The following RBFOX1 variants were observed in gnomAD, a reference collection of about 807,000 sequenced individuals.
RBFOX1 encodes RNA binding fox-1 homolog 1.
A neutral mutation model predicts 57.7 loss-of-function variants in RBFOX1; 8 were observed. The ratio of observed to expected loss-of-function variants is 0.14; its 90% CI spans 0.08 to 0.25. The LOEUF (loss-of-function observed/expected upper bound fraction) is 0.25. Among genes scored for constraint, RBFOX1 ranks in the 10% least tolerant of loss-of-function variants. The pLI is 1.00. For missense variants in RBFOX1, 611 were observed against 548.5 expected, an observed-to-expected ratio of 1.11 and a Z score of -1.14; for synonymous variants, 326 against 222.4, an observed-to-expected ratio of 1.47 and a Z score of -4.15.
intron 4 of RBFOX1, among the ~76,000 whole-genome samples, chr16:7,235,623 T>C (rs1234560366): frequency 6.6e-6 from 1 of 152,226 alleles, no homozygotes; most frequent in Non-Finnish European, 1.5e-5. Flanking sequence ...TATCTTGGGA[T>C]GAATTAGCCT....
intron 1 of RBFOX1, among the ~76,000 whole-genome samples, chr16:5,429,030 C>G (rs1358976358): frequency 6.6e-6 from 1 of 152,136 alleles, no homozygotes; most frequent in Non-Finnish European, 1.5e-5. Flanking sequence ...GAGGTTCCAC[C>G]CGCTACGAAG....
intron 1 of RBFOX1, among the ~76,000 whole-genome samples, chr16:6,315,362 G>GTGGATGGATGGA (rs754638128): frequency 0.18 from 27,571 of 149,988 alleles, 3,080 homozygotes; most frequent in Non-Finnish European, 0.24. Context: ...GAATGGGTGG[G>GTGGATGGATGGA]TGGATGGATG....
intron 4 of RBFOX1, among the ~76,000 whole-genome samples, chr16:7,428,858 C>T (rs767913013): frequency 2.0e-5 from 3 of 151,994 alleles, no homozygotes; most frequent in Non-Finnish European, 4.4e-5. Flanking sequence ...ATAATGATAA[C>T]AGTAGTAGAA....
At chr16:5,268,120 T>C (rs2151115359) in intron 1 of RBFOX1, among the ~76,000 whole-genome samples, 1 of 151,138 alleles carries the variant, frequency 6.6e-6, no homozygotes, top group East Asian at 1.9e-4. Flanking sequence ...TCCATCAGAG[T>C]TGACTCTAAC....
chr16:7,414,113 C>T (rs957794673), intron 4 of RBFOX1, among the ~76,000 whole-genome samples: 1 of 152,174 alleles, frequency 6.6e-6, no homozygotes, highest in African/African-American at 2.4e-5. Context: ...CAGAAAATCC[C>T]AATTCAAGGG....
chr16:6,242,378 T>TA (rs1370227558), intron 1 of RBFOX1, among the ~76,000 whole-genome samples: 4 of 151,902 alleles, frequency 2.6e-5, no homozygotes, highest in African/African-American at 7.3e-5. Flanking sequence ...TTCTTTTTTT[T>TA]AAAAAAAGTC....
chr16:5,879,659 AG>A (rs1214274540), intron 4 of RBFOX1, among the ~76,000 whole-genome samples: 3 of 152,212 alleles, frequency 2.0e-5, no homozygotes, highest in Admixed American at 2.0e-4. Context: ...TACATTAGTC[AG>A]GAGAGGCTAA....
chr16:7,485,043 G>A (rs12444631), intron 4 of RBFOX1, among the ~76,000 whole-genome samples: 25,818 of 142,932 alleles, frequency 0.18, 2,542 homozygotes, highest in East Asian at 0.41. Flanking sequence ...GCAGGGTTAC[G>A]TTCCCCAACA....
intron 1 of RBFOX1, among the ~76,000 whole-genome samples, chr16:6,115,486 A>G (rs2152602358): frequency 6.6e-6 from 1 of 152,318 alleles, no homozygotes; most frequent in South Asian, 2.1e-4. Context: ...ATTTGTGCAT[A>G]TTGGCTGGCC....
At chr16:6,731,125 T>TTCTA (rs964139835) in intron 3 of RBFOX1, among the ~76,000 whole-genome samples, 2 of 152,090 alleles carry the variant, frequency 1.3e-5, no homozygotes, top group African/African-American at 4.8e-5. Context: ...AAAGCCTGAA[T>TTCTA]TAGAAGATGA....
At chr16:6,619,074 G>A (rs2098186194) in intron 2 of RBFOX1, among the ~76,000 whole-genome samples, 1 of 151,996 alleles carries the variant, frequency 6.6e-6, no homozygotes, top group Admixed American at 6.6e-5. Context: ...CGCTGCAGAG[G>A]GTCAAGGTTG....
At chr16:6,937,719 G>C (rs999310444) in intron 3 of RBFOX1, among the ~76,000 whole-genome samples, 7 of 152,264 alleles carry the variant, frequency 4.6e-5, no homozygotes, top group African/African-American at 1.7e-4. Context: ...CGATAGAAAA[G>C]AATGTCTGGG....
At chr16:5,373,668 G>A (rs2065914645) in intron 1 of RBFOX1, among the ~76,000 whole-genome samples, 1 of 151,688 alleles carries the variant, frequency 6.6e-6, no homozygotes, top group Admixed American at 6.6e-5. Flanking sequence ...GCGGTGGTGC[G>A]ATCTTGGCTC....
intron 3 of RBFOX1, among the ~76,000 whole-genome samples, chr16:5,770,935 C>T (rs919349177): frequency 1.3e-5 from 2 of 152,174 alleles, no homozygotes; most frequent in African/African-American, 4.8e-5. Context: ...CCAGTTATTC[C>T]ATCCTGGCAG....
At chr16:6,421,220 C>T (rs978624806) in intron 2 of RBFOX1, among the ~76,000 whole-genome samples, 5 of 152,162 alleles carry the variant, frequency 3.3e-5, no homozygotes, top group African/African-American at 1.2e-4. Flanking sequence ...ACATCCTCTC[C>T]TTCGGGAGGG....
intron 1 of RBFOX1, among the ~76,000 whole-genome samples, chr16:6,122,161 C>G (rs922858759): frequency 2.0e-5 from 3 of 152,144 alleles, no homozygotes; most frequent in African/African-American, 7.2e-5. Context: ...CCACCTTGGT[C>G]TTCTAAAGTG....
intron 1 of RBFOX1, among the ~76,000 whole-genome samples, chr16:5,260,312 C>T (rs1353873786): frequency 3.3e-5 from 5 of 152,116 alleles, no homozygotes; most frequent in African/African-American, 1.2e-4. Context: ...CCAAATCTCA[C>T]GACCCCAAGA....
intron 3 of RBFOX1, among the ~76,000 whole-genome samples, chr16:6,988,700 G>A (rs1444620381): frequency 6.7e-6 from 1 of 150,132 alleles, no homozygotes; most frequent in African/African-American, 2.5e-5. Context: ...GAGCAGCTGG[G>A]ATTACAGGTG....
At chr16:6,067,012 C>T (rs1050048388) in intron 1 of RBFOX1, among the ~76,000 whole-genome samples, 5 of 152,060 alleles carry the variant, frequency 3.3e-5, no homozygotes, top group Non-Finnish European at 5.9e-5. Context: ...ACTATCAACA[C>T]GGCACAGTTT....
Sources: allele counts gnomAD v4.1 joint callset (sites outside exome capture counted in the v4.1 genomes callset), GRCh38; gene constraint gnomAD v4.1.1; transcripts MANE v1.5; gene names NCBI Gene and HGNC (gene_info 2026-07-23, HGNC 2026-07-21).